MINDY3: variants seen among roughly 807,000 people sequenced by gnomAD.
MINDY3 encodes the protein MINDY lysine 48 deubiquitinase 3, also known as ubiquitin carboxyl-terminal hydrolase MINDY-3.
Under a neutral mutation model 69.2 loss-of-function variants are expected in MINDY3, and 38 were observed. That is an observed-to-expected ratio of 0.55 (90% CI 0.42 to 0.72). The LOEUF (loss-of-function observed/expected upper bound fraction) is 0.72. Among genes scored for constraint, MINDY3 ranks in the 30% least tolerant of loss-of-function variants. The probability of loss-of-function intolerance (pLI) is 0.00; values close to 1 mark genes in which losing one functional copy is unlikely to be tolerated. For missense variants in MINDY3, 522 were observed against 519.0 expected (o/e 1.01, Z -0.06); for synonymous variants, 192 against 180.1 (o/e 1.07, Z -0.53).
In MINDY3 at chr10:15,829,981, C is replaced by T. The variant is rs141514573; in HGVS notation, c.730+3649G>A. Among the ~76,000 whole-genome samples the T allele has an allele frequency of 3.9e-3, 590 of 152,244 alleles. 3 individuals are homozygous for T. Among genetic ancestry groups the T allele is most frequent in the African/African-American group, 0.013 (520 of 41,524 alleles). Reference sequence around the variant, plus strand: ...TGTTCCACCATGGCACAGTGTCCTGCGGTACCACTTGGCCTCTGTGAGACA... The same window carrying T: ...TGTTCCACCATGGCACAGTGTCCTGTGGTACCACTTGGCCTCTGTGAGACA... On this transcript the variant is annotated intron_variant, in intron 8 of 14. Transcript: ENST00000277632.
chr10:15,817,614 T>G (rs1016182486), intron 9 of MINDY3: 1 of 152,172 alleles, frequency 6.6e-6, no homozygotes, highest in Non-Finnish European at 1.5e-5. Flanking sequence ...ACAAACAGAA[T>G]AGACTTATGA....
chr10:15,825,354 G>A (rs1356458035), intron 8 of MINDY3, among the ~76,000 whole-genome samples: 1 of 152,156 alleles, frequency 6.6e-6, no homozygotes, highest in African/African-American at 2.4e-5. Context: ...TTATATTCTT[G>A]TTTTCTTTGC....
intron 10 of MINDY3, among the ~76,000 whole-genome samples, chr10:15,798,464 G>GTT (rs35810825): frequency 0.33 from 46,430 of 141,528 alleles, 7,937 homozygotes; most frequent in African/African-American, 0.47. Context: ...AGTGCCAAGT[G>GTT]TTTTTTTTTT....
intron 10 of MINDY3, among the ~76,000 whole-genome samples, chr10:15,810,773 T>C (rs1271305601): frequency 6.6e-6 from 1 of 151,980 alleles, no homozygotes; most frequent in East Asian, 1.9e-4. Context: ...GAGAGACAGA[T>C]AATATAGAAA....
chr10:15,848,631 C>A, intron 1 of MINDY3, among the ~76,000 whole-genome samples: 1 of 35,254 alleles, frequency 2.8e-5, no homozygotes, highest in Non-Finnish European at 4.3e-5. Flanking sequence ...TAGACTTCAT[C>A]TCAAAAAAAA....
intron 6 of MINDY3, among the ~76,000 whole-genome samples, chr10:15,835,233 C>T (rs184511725): frequency 1.4e-4 from 22 of 152,192 alleles, no homozygotes; most frequent in Admixed American, 7.2e-4. Context: ...GGGCACTCAA[C>T]TCCCAAAAGT....
At chr10:15,796,061 G>T in intron 11 of MINDY3, 39 bp downstream of exon 11, 18 of 1,432,932 alleles carry the variant, frequency 1.3e-5, no homozygotes, top group Non-Finnish European at 1.7e-5. Flanking sequence ...TCAAACATAT[G>T]AAGACATAAA....
At chr10:15,842,125 T>G (rs2132091016) in intron 3 of MINDY3, among the ~76,000 whole-genome samples, 1 of 151,990 alleles carries the variant, frequency 6.6e-6, no homozygotes, top group Non-Finnish European at 1.5e-5. Flanking sequence ...GAATACAGAT[T>G]TGAGCATTAG....
intron 8 of MINDY3, among the ~76,000 whole-genome samples, chr10:15,827,176 T>TTA (rs1279529684): frequency 1.8e-4 from 8 of 44,858 alleles, no homozygotes; most frequent in Admixed American, 5.4e-4. Flanking sequence ...ATAACAGGAG[T>TTA]AAAAAAAAAA....
At chr10:15,790,086 C>T (rs1303215281) in intron 11 of MINDY3, among the ~76,000 whole-genome samples, 2 of 151,984 alleles carry the variant, frequency 1.3e-5, no homozygotes, top group Admixed American at 6.6e-5. Context: ...CTTCCAATGT[C>T]CTTCAGGGAT....
At chr10:15,795,775 G>A (rs914407452) in intron 11 of MINDY3, among the ~76,000 whole-genome samples, 1 of 151,860 alleles carries the variant, frequency 6.6e-6, no homozygotes, top group Non-Finnish European at 1.5e-5. Flanking sequence ...TTTAATATTC[G>A]TTTGGATAAG....
chr10:15,838,378 C>T (rs1833232771), intron 4 of MINDY3, 99 bp from the exon 5 acceptor site: 2 of 1,021,698 alleles, frequency 2.0e-6, no homozygotes, highest in Non-Finnish European at 2.7e-6. Flanking sequence ...CAAAACTTTC[C>T]CTATTTCCTT....
intron 13 of MINDY3, among the ~76,000 whole-genome samples, chr10:15,783,411 A>G (rs1214881115): frequency 2.0e-5 from 3 of 152,136 alleles, no homozygotes; most frequent in African/African-American, 7.2e-5. Flanking sequence ...AGCATGACTC[A>G]TTTCATCATG....
chr10:15,797,442 G>A (rs1446555523), intron 10 of MINDY3, among the ~76,000 whole-genome samples: 2 of 152,100 alleles, frequency 1.3e-5, no homozygotes, highest in African/African-American at 4.8e-5. Context: ...TGCTGATAAT[G>A]TATACGCCCA....
chr10:15,860,253 T>C lies in MINDY3; in HGVS notation c.47A>G (p.Lys16Arg). 6.2e-7 allele frequency: 1 copy of C among 1,611,172 alleles called. No individual in the cohort carries two copies. Among genetic ancestry groups the C allele is most frequent in the Non-Finnish European group, 8.5e-7 (1 of 1,178,846 alleles). Residue 16 changes from lysine to arginine, a missense_variant, in exon 1 of 15, where the codon AAG (lysine) becomes AGG (arginine). By Grantham distance (26) the Lys-to-Arg change is conservative. Transcript: ENST00000277632. ...KELMELVWGT[K>R]SSPGLSDTIF... is the part of the protein sequence containing the mutation. Reference sequence around the variant, plus strand: ...GGTGTCCGAGAGACCGGGGCTGCTCTTGGTGCCCCACACCAGCTCCATCAG... The same window carrying C: ...GGTGTCCGAGAGACCGGGGCTGCTCCTGGTGCCCCACACCAGCTCCATCAG...
intron 8 of MINDY3, among the ~76,000 whole-genome samples, chr10:15,826,619 T>C (rs545722699): frequency 2.6e-5 from 4 of 152,266 alleles, no homozygotes; most frequent in South Asian, 4.1e-4. Context: ...GAAAAGACTA[T>C]GACAATTTTG....
At chr10:15,856,522 T>A (rs537123168) in intron 1 of MINDY3, among the ~76,000 whole-genome samples, 1 of 151,970 alleles carries the variant, frequency 6.6e-6, no homozygotes, top group Non-Finnish European at 1.5e-5. Context: ...AGGAAAATAA[T>A]TGGAAGAAGG....
chr10:15,803,347 A>G (rs560923613), intron 10 of MINDY3, among the ~76,000 whole-genome samples: 1 of 151,428 alleles, frequency 6.6e-6, no homozygotes, highest in African/African-American at 2.4e-5. Flanking sequence ...CAAACTTAAT[A>G]TTAATATATC....
chr10:15,788,289 T>C (rs1033203180), intron 12 of MINDY3, among the ~76,000 whole-genome samples: 48 of 152,268 alleles, frequency 3.2e-4, no homozygotes, highest in Admixed American at 2.0e-3. Context: ...AATTATTCAT[T>C]TATTAATATT....
Sources: allele counts gnomAD v4.1 joint callset (sites outside exome capture counted in the v4.1 genomes callset), GRCh38; gene constraint gnomAD v4.1.1; transcripts MANE v1.5; gene names NCBI Gene and HGNC (gene_info 2026-07-23, HGNC 2026-07-21).